SAMD5: variants seen among roughly 807,000 people sequenced by gnomAD.
The protein encoded by SAMD5 is sterile alpha motif domain containing 5.
SAMD5 carries 13 observed loss-of-function variants against 11.3 expected under a neutral mutation model. The observed-to-expected ratio is 1.15, with a 90% CI of 0.75 to 1.83. The LOEUF (loss-of-function observed/expected upper bound fraction) is 1.83, where lower values mean the gene tolerates loss of function less well. Ranked by LOEUF, SAMD5 falls within the 40% of genes most tolerant of loss-of-function variation. The probability of loss-of-function intolerance (pLI) is 0.00; values close to 1 mark genes in which losing one functional copy is unlikely to be tolerated. For synonymous variants in SAMD5, 129 were observed against 111.3 expected, an observed-to-expected ratio of 1.16 and a Z score of -1.00; for missense variants, 255 against 239.1, an observed-to-expected ratio of 1.07 and a Z score of -0.44.
At chr6:147,852,693 G>A in the SAMD5 span, among the ~76,000 whole-genome samples, 1 of 152,140 alleles carries the variant, frequency 6.6e-6, no homozygotes, top group African/African-American at 2.4e-5. Flanking sequence ...GATTTTATCA[G>A]TATGCTACAT....
At chr6:147,674,834 CCTT>C (rs1157825421) in intron 1 of SAMD5, among the ~76,000 whole-genome samples, 1 of 152,234 alleles carries the variant, frequency 6.6e-6, no homozygotes, top group African/African-American at 2.4e-5. Flanking sequence ...TGCCCACTCT[CCTT>C]CTGCTGTTTC....
chr6:147,666,523 A>C (rs926419537), intron 1 of SAMD5, among the ~76,000 whole-genome samples: 1 of 152,042 alleles, frequency 6.6e-6, no homozygotes, highest in African/African-American at 2.4e-5. Context: ...TTCCTTCTCT[A>C]GTTTCTTAAA....
At chr6:147,562,828 A>T (rs1244643806) in intron 1 of SAMD5, among the ~76,000 whole-genome samples, 2 of 152,034 alleles carry the variant, frequency 1.3e-5, no homozygotes, top group Non-Finnish European at 1.5e-5. Context: ...TCTCAAAAAA[A>T]AATAAATAAA....
chr6:147,509,423 G>A, intron 1 of SAMD5, 36 bp downstream of exon 1: 1 of 1,489,956 alleles, frequency 6.7e-7, no homozygotes, highest in Non-Finnish European at 8.9e-7. Context: ...CGGGGCGCGC[G>A]GCGGGAGGGG....
At chr6:147,710,500 A>G (rs964537211) in intron 1 of SAMD5, among the ~76,000 whole-genome samples, 1 of 152,142 alleles carries the variant, frequency 6.6e-6, no homozygotes, top group Non-Finnish European at 1.5e-5. Context: ...GCATGGCCAC[A>G]CTGTAGACAC....
the SAMD5 span, among the ~76,000 whole-genome samples, chr6:147,761,622 A>C: frequency 6.6e-5 from 10 of 152,206 alleles, no homozygotes; most frequent in Admixed American, 6.5e-5. Flanking sequence ...AATTTTTACA[A>C]ATGTGCTGGA....
At chr6:147,670,287 CAG>C (rs1790778021) in intron 1 of SAMD5, among the ~76,000 whole-genome samples, 1 of 152,184 alleles carries the variant, frequency 6.6e-6, no homozygotes, top group Admixed American at 6.5e-5. Context: ...AGAACACAAA[CAG>C]AGTAAATTTA....
chr6:147,880,822 A>T, the SAMD5 span, among the ~76,000 whole-genome samples: 1 of 152,142 alleles, frequency 6.6e-6, no homozygotes, highest in African/African-American at 2.4e-5. Flanking sequence ...CTAAGATACA[A>T]ATCAAAATTT....
chr6:147,948,162 C>T, the SAMD5 span, among the ~76,000 whole-genome samples: 2 of 151,776 alleles, frequency 1.3e-5, no homozygotes, highest in African/African-American at 2.4e-5. Flanking sequence ...CTGATTCCTT[C>T]TATAAATTAG....
intron 1 of SAMD5, among the ~76,000 whole-genome samples, chr6:147,621,928 T>A (rs1789974552): frequency 6.6e-6 from 1 of 152,226 alleles, no homozygotes; most frequent in African/African-American, 2.4e-5. Context: ...TTTTCTTACC[T>A]GTAGCCAGAC....
chr6:147,938,313 TAA>T, the SAMD5 span, among the ~76,000 whole-genome samples: 1 of 151,680 alleles, frequency 6.6e-6, no homozygotes, highest in Non-Finnish European at 1.5e-5. Context: ...ACAACAGTAC[TAA>T]AAGTGTATTA....
chr6:147,567,425 G>A lies in SAMD5; in HGVS notation c.*2969G>A. The stretch of plus-strand genomic sequence containing the variant: ...TTTAAATTCTAAAATTATTCTAGTA[G>A]TATTTTCCTGCGGTGAATCTGTTAA... On this transcript the variant is annotated 3_prime_UTR_variant, in exon 2 of 2. Coordinates refer to ENST00000367474, the MANE Select transcript of SAMD5 (RefSeq NM_001030060.3). 2.0e-6 allele frequency: 2 copies of A among 984,580 alleles called. No homozygotes were observed. The highest frequency in any genetic ancestry group is 2.4e-6 in the Non-Finnish European group (2 of 829,150). The allele number at this position is 984,580 out of a possible 1,614,324, so 61.0% of individuals were successfully genotyped here.
intron 1 of SAMD5, among the ~76,000 whole-genome samples, chr6:147,614,135 C>T (rs1192336280): frequency 6.6e-6 from 1 of 151,790 alleles, no homozygotes; most frequent in East Asian, 1.9e-4. Flanking sequence ...TGTGAGGCAG[C>T]GAAGGTGGCA....
At chr6:147,758,990 T>C in the SAMD5 span, among the ~76,000 whole-genome samples, 1 of 152,066 alleles carries the variant, frequency 6.6e-6, no homozygotes, top group African/African-American at 2.4e-5. Flanking sequence ...AAACAAAACC[T>C]AAACAAACAA....
intron 1 of SAMD5, among the ~76,000 whole-genome samples, chr6:147,669,433 T>C (rs1790765811): frequency 7.0e-6 from 1 of 142,986 alleles, no homozygotes; most frequent in Admixed American, 7.0e-5. Context: ...TTTTTTTTTT[T>C]TTTTTTTTTT....
At chr6:147,649,191 G>T (rs758726974) in intron 1 of SAMD5, among the ~76,000 whole-genome samples, 1 of 152,122 alleles carries the variant, frequency 6.6e-6, no homozygotes, top group Non-Finnish European at 1.5e-5. Flanking sequence ...TGGCATTCTG[G>T]CCACCAGAAC....
chr6:147,783,080 T>C, the SAMD5 span, among the ~76,000 whole-genome samples: 16 of 152,238 alleles, frequency 1.1e-4, no homozygotes, highest in Non-Finnish European at 2.2e-4. Context: ...TTTCCCTTTA[T>C]AAATAATACA....
the SAMD5 span, among the ~76,000 whole-genome samples, chr6:147,945,699 A>G: frequency 1.3e-5 from 2 of 152,172 alleles, no homozygotes; most frequent in Admixed American, 6.5e-5. Flanking sequence ...CAGAGTAAAC[A>G]GTGGCAGGAA....
chr6:147,630,887 G>C (rs6942134), intron 1 of SAMD5, among the ~76,000 whole-genome samples: 103,731 of 151,732 alleles, frequency 0.68, 35,652 homozygotes, highest in South Asian at 0.77. Context: ...CAGCGCCAGT[G>C]ATGGACTCGG....
Sources: allele counts gnomAD v4.1 joint callset (sites outside exome capture counted in the v4.1 genomes callset), GRCh38; gene constraint gnomAD v4.1.1; transcripts MANE v1.5; gene names NCBI Gene and HGNC (gene_info 2026-07-23, HGNC 2026-07-21).